Variants in SZT2 observed in about 807,000 individuals in gnomAD.
SZT2 encodes the protein KICSTOR complex protein SZT2.
SZT2 carries 216 observed loss-of-function variants against 404.2 expected under a neutral mutation model. The ratio of observed to expected loss-of-function variants is 0.53; its 90% CI spans 0.48 to 0.60. SZT2 has a LOEUF of 0.60. Ranked by LOEUF, SZT2 falls within the 20% of genes least tolerant of loss-of-function variation. The pLI is 0.00. For missense variants in SZT2, 3,857 were observed against 4,459.2 expected (o/e 0.86, Z 3.85); for synonymous variants, 1,693 against 1,749.9 (o/e 0.97, Z 0.81).
chr1:43,452,794 G>GA lies in SZT2; in HGVS notation c.*2316dup. 8.5e-7 allele frequency: 1 copy of GA among 1,174,826 alleles called. No homozygotes were observed. Among genetic ancestry groups the GA allele is most frequent in the South Asian group, 1.4e-5 (1 of 72,516 alleles). The allele number at this position is 1,174,826 out of a possible 1,614,324, so 72.8% of individuals were successfully genotyped here. Reference sequence around the variant, plus strand: ...TTGGCCTCTGCAGGATTTGACATTTGAATCAGCCCCACTTTGAGCCGTCCA... The same window carrying GA: ...TTGGCCTCTGCAGGATTTGACATTTGAAATCAGCCCCACTTTGAGCCGTCCA... On this transcript the variant is annotated 3_prime_UTR_variant, in exon 72 of 72. Transcript: ENST00000634258.
rs543041677 is a variant in SZT2, at chr1:43,445,302, C to T, written c.8826-592C>T. ...CAGTTTCCTTGAGGTTTAAATGGGA[C>T]ATTTTTTCCACCAGAGGTTTTGACC... On this transcript the variant is annotated intron_variant, in intron 62 of 71. Transcript: ENST00000634258. 32 of 153,036 alleles carry T rather than the reference C, an allele frequency of 2.1e-4. No homozygotes were observed. The South Asian group carries it at 3.7e-3, about 18-fold the overall frequency. 9.5% of individuals were successfully genotyped at this position (153,036 alleles called of 1,614,324 possible). A position where few individuals can be genotyped will look rare whatever the true frequency, so the allele number is the denominator to read the frequency against.
Position 43,449,668 on chromosome 1 carries a change from C to T in SZT2, c.10087-435C>T, listed in dbSNP as rs1411347133. 6 of 260,926 alleles carry T rather than the reference C, an allele frequency of 2.3e-5. No homozygotes were observed. The Admixed American group carries it at 2.6e-4, about 11-fold the overall frequency. 16.2% of individuals were successfully genotyped at this position (260,926 alleles called of 1,614,324 possible). ...CCTAGGCAGCAGCTCTGTGAACAGG[C>T]GGTAACTGAAGCCTTGGGAGAGCAA... On this transcript the variant is annotated intron_variant, in intron 70 of 71. Coordinates refer to ENST00000634258, the MANE Select transcript of SZT2 (RefSeq NM_001365999.1).
At position 43,422,862 on chromosome 1, in the gene SZT2, A is replaced by G; in HGVS notation, c.2016A>G (p.Thr672=). The G allele has an allele frequency of 6.3e-7, 1 of 1,588,974 alleles. No individual in the cohort carries two copies. Among genetic ancestry groups the G allele is most frequent in the Non-Finnish European group, 8.5e-7 (1 of 1,175,570 alleles). ...MVLRLGFPIG[T]PAPARHKIVS... is the part of the protein sequence containing the mutation. ...TTCGCCTGGGTTTTCCCATTGGCACACCAGCACCGGCCCGGCACAAGGTAA... is the reference window on the plus strand; with the variant it reads ...TTCGCCTGGGTTTTCCCATTGGCACGCCAGCACCGGCCCGGCACAAGGTAA... Residue 672 remains threonine (T), a synonymous_variant, in exon 14 of 72, where the codon ACA becomes ACG. Transcript: ENST00000634258.
Position 43,427,668 on chromosome 1 carries a change from T to G in SZT2, c.3737T>G (p.Leu1246Arg). The part of the protein sequence containing the change: ...RCPVYIYSCS[L>R]EALREQMVGM... ...CCTGTCTACATCTACAGCTGTTCACTGGAAGCGCTGAGGGAACAAATGGTT... is the reference window on the plus strand; with the variant it reads ...CCTGTCTACATCTACAGCTGTTCACGGGAAGCGCTGAGGGAACAAATGGTT... The change falls in exon 26 of 72, where the codon CTG (leucine) becomes CGG (arginine). Residue 1246 changes from leucine to arginine, a missense_variant. By Grantham distance (102) the Leu-to-Arg change is moderately radical (BLOSUM62 -2). This residue lies in a region of SZT2 where 1,725 missense variants were observed against 1,881.0 expected (regional missense o/e 0.92). Coordinates refer to ENST00000634258, the MANE Select transcript of SZT2 (RefSeq NM_001365999.1). 1 of 1,614,200 alleles carries G rather than the reference T, an allele frequency of 6.2e-7. No individual in the cohort carries two copies. The highest frequency in any genetic ancestry group is 2.2e-5 in the East Asian group (1 of 44,876).
rs867626804 is a variant in SZT2 at position 43,441,895 on chromosome 1, G to A, written c.7742+77G>A. 1 of 1,597,776 alleles carries A rather than the reference G, an allele frequency of 6.3e-7. No homozygotes were observed. The highest frequency in any genetic ancestry group is 1.1e-5 in the South Asian group (1 of 89,576). On this transcript the variant is annotated intron_variant, in intron 55 of 71. Coordinates refer to ENST00000634258, the MANE Select transcript of SZT2 (RefSeq NM_001365999.1). This position sits in a 1 kb window ranked among gnomAD's most constrained non-coding sequence, Gnocchi z 4.8. ...GCTGGGCCTACAGGAAGCCAAACCT[G>A]AGGAAGCTGAGCTAGGAGAGGTGGA...
rs79439514 is a variant in SZT2 at position 43,451,427 on chromosome 1, C to T, written c.*947C>T. ...CGCCTCACCTCGAGGCTGATACTCA[C>T]AGCCCACGAAGCCTTTGTAGCCTTC... On this transcript the variant is annotated 3_prime_UTR_variant, in exon 72 of 72. Coordinates refer to ENST00000634258, the MANE Select transcript of SZT2 (RefSeq NM_001365999.1). 2 of 1,613,232 alleles carry T rather than the reference C, an allele frequency of 1.2e-6. No homozygotes were observed. The highest frequency in any genetic ancestry group is 2.2e-5 in the East Asian group (1 of 44,890).
chr1:43,445,539 C>A, intron 62 of SZT2: 1 of 332,918 alleles, frequency 3.0e-6, no homozygotes. Flanking sequence ...AGGAAGGTAC[C>A]TAACCAGGCA....
chr1:43,421,402 C>T (rs1570625074), intron 11 of SZT2, 99 bp downstream of exon 11: 16 of 1,496,034 alleles, frequency 1.1e-5, no homozygotes, highest in Middle Eastern at 1.8e-4. Context: ...TTCTGTCTCA[C>T]GTCTAAGGCA....
chr1:43,447,691 T>C lies in SZT2; in HGVS notation c.9433T>C (p.Trp3145Arg). 6.2e-7 allele frequency: 1 copy of C among 1,613,974 alleles called. No individual in the cohort carries two copies. Among genetic ancestry groups the C allele is most frequent in the Non-Finnish European group, 8.5e-7 (1 of 1,179,958 alleles). The change falls in exon 67 of 72, where the codon TGG (tryptophan) becomes CGG (arginine). Residue 3145 changes from tryptophan (W) to arginine (R), a missense_variant. By Grantham distance (101) the Trp-to-Arg change is moderately radical (BLOSUM62 -3). Transcript: ENST00000634258. ...CAACGAGTATGCCCTGGTGTCGGCA[T>C]GGCACAGGTAAGGCTGAGAGGGGCA... ...EHNEYALVSA[W>R]HSSGSYLDSE... is the part of the protein sequence containing the mutation.
rs150576638 is a variant in SZT2 at position 43,434,549 on chromosome 1, T to A, written c.5904+64T>A. The A allele has an allele frequency of 3.6e-5, 50 of 1,392,852 alleles. No homozygotes were observed. The African/African-American group carries it at 5.9e-4, about 16-fold the overall frequency. The allele number at this position is 1,392,852 out of a possible 1,614,324, so 86.3% of individuals were successfully genotyped here. A position where few individuals can be genotyped will look rare whatever the true frequency, so the allele number is the denominator to read the frequency against. On this transcript the variant is annotated intron_variant, in intron 41 of 71. Coordinates refer to ENST00000634258, the MANE Select transcript of SZT2 (RefSeq NM_001365999.1). ...AGATGAGAACCAAATTTCTAAGAAC[T>A]TGATTTTCAGAGGCTATTGGTCCAT...
At position 43,439,109 on chromosome 1, in the gene SZT2, T is replaced by C. The variant is rs773821146; in HGVS notation, c.6792+16T>C. ...CCACTTCCAAGTGAGATGGCACTCA[T>C]CTCTCTCCACACTCATGTGCACCCC... On this transcript the variant is annotated intron_variant, in intron 48 of 71. Coordinates refer to ENST00000634258, the MANE Select transcript of SZT2 (RefSeq NM_001365999.1). This position sits in a 1 kb window ranked among gnomAD's most constrained non-coding sequence, Gnocchi z 4.2. The C allele has an allele frequency of 6.2e-7, 1 of 1,613,850 alleles. No homozygotes were observed. Among genetic ancestry groups the C allele is most frequent in the East Asian group, 2.2e-5 (1 of 44,872 alleles).
chr1:43,438,877 T>C, intron 47 of SZT2, 52 bp from the exon 48 acceptor site: 2 of 1,613,208 alleles, frequency 1.2e-6, no homozygotes, highest in Non-Finnish European at 1.7e-6. Flanking sequence ...TCCAGGACAG[T>C]CTAGGCTGGA....
rs1215321792 is a variant in SZT2, at chr1:43,442,476, T to A, written c.8009T>A (p.Leu2670Gln). 1 of 1,613,890 alleles carries A rather than the reference T, an allele frequency of 6.2e-7. No individual in the cohort carries two copies. Among genetic ancestry groups the A allele is most frequent in the Non-Finnish European group, 8.5e-7 (1 of 1,179,874 alleles). ...QLLTYNWAPD[L>Q]GAALGRALVR... ...CTGACCTACAACTGGGCTCCAGACCTGGGGGCAGCATTGGGCCGAGCGCTG... is the reference window on the plus strand; with the variant it reads ...CTGACCTACAACTGGGCTCCAGACCAGGGGGCAGCATTGGGCCGAGCGCTG... The change falls in exon 58 of 72, where the codon CTG (leucine) becomes CAG (glutamine). Residue 2670 changes from leucine to glutamine, a missense_variant. By Grantham distance (113) the Leu-to-Gln change is moderately radical. This residue lies in a region of SZT2 where 573 missense variants were observed against 592.4 expected (regional missense o/e 0.97). Coordinates refer to ENST00000634258, the MANE Select transcript of SZT2 (RefSeq NM_001365999.1). This position sits in a 1 kb window ranked among gnomAD's most constrained non-coding sequence, Gnocchi z 4.5.
intron 11 of SZT2, among the ~76,000 whole-genome samples, chr1:43,421,825 A>G (rs1238047839): frequency 6.6e-6 from 1 of 152,194 alleles, no homozygotes; most frequent in Non-Finnish European, 1.5e-5. Context: ...CAAGTCGGTG[A>G]CATAAGCTGG....
rs755628316 is a variant in SZT2 at position 43,441,621 on chromosome 1, T to C, written c.7609+20T>C. On this transcript the variant is annotated intron_variant, in intron 54 of 71. Coordinates refer to ENST00000634258, the MANE Select transcript of SZT2 (RefSeq NM_001365999.1). This position sits in a 1 kb window ranked among gnomAD's most constrained non-coding sequence, Gnocchi z 4.8. ...AGATTGGTGAGACCCCAGCCTCCCC[T>C]CCCATCCCTCAACCCCAGCCTGGTC... The C allele has an allele frequency of 3.1e-6, 5 of 1,613,868 alleles. No individual in the cohort carries two copies. In the South Asian group the frequency reaches 5.5e-5, roughly 18 times the overall value.
chr1:43,425,675 C>T lies in SZT2; in HGVS notation c.2814+33C>T, dbSNP rs368097994. On this transcript the variant is annotated intron_variant, in intron 19 of 71. Coordinates refer to ENST00000634258, the MANE Select transcript of SZT2 (RefSeq NM_001365999.1). This position sits in a 1 kb window ranked among gnomAD's most constrained non-coding sequence, Gnocchi z 4.3. ...TCCTCAGAACAGTACCCGCACCTCT[C>T]TCACTGGATTGGGGTGCCATCTCTT... 18 of 1,610,094 alleles carry T rather than the reference C, an allele frequency of 1.1e-5. No homozygotes were observed. Among genetic ancestry groups the T allele is most frequent in the South Asian group, 2.2e-5 (2 of 90,958 alleles).
chr1:43,406,585 G>A (rs1016913799), intron 4 of SZT2: 1 of 152,676 alleles, frequency 6.5e-6, no homozygotes, highest in African/African-American at 2.4e-5. Context: ...ATTTGAATGT[G>A]GAAAGGGATG....
At position 43,442,659 on chromosome 1, in the gene SZT2, AGGGGT is replaced by A; in HGVS notation, c.8151+42_8151+46del. On this transcript the variant is annotated intron_variant, in intron 58 of 71. Coordinates refer to ENST00000634258, the MANE Select transcript of SZT2 (RefSeq NM_001365999.1). The surrounding 1 kb of genome is among the most constrained non-coding windows in gnomAD (Gnocchi z 4.5). The stretch of plus-strand genomic sequence containing the variant: ...GTTCTTCCTATAGTTTTGGCTACTG[AGGGGT>A]CAGTTAAAGGAAAAACCAGCTCAGA... 2 of 1,555,788 alleles carry A rather than the reference AGGGGT, an allele frequency of 1.3e-6. No homozygotes were observed. The highest frequency in any genetic ancestry group is 2.4e-5 in the South Asian group (2 of 82,926).
chr1:43,434,979 C>T (rs886794003), intron 41 of SZT2, among the ~76,000 whole-genome samples: 12 of 152,180 alleles, frequency 7.9e-5, no homozygotes, highest in Admixed American at 3.9e-4. Context: ...TGAGACTCGA[C>T]GGATGGTGAA....
Sources: gnomAD v4.1 joint callset for allele counts (sites outside exome capture counted in the v4.1 genomes callset) on GRCh38, gnomAD v4.1.1 for gene constraint, gnomAD v4.1.1 regional missense constraint, Gnocchi (gnomAD v3.1) non-coding constraint, MANE v1.5 for transcripts, NCBI Gene and HGNC (gene_info 2026-07-23, HGNC 2026-07-21) for gene names.